Variants in SMARCA2 observed in about 807,000 individuals in gnomAD.
SMARCA2 encodes the protein SWI/SNF-related matrix-associated actin-dependent regulator of chromatin subfamily A member 2.
A neutral mutation model predicts 199.8 loss-of-function variants in SMARCA2; 61 were observed. The observed-to-expected ratio is 0.31, with a 90% CI of 0.25 to 0.38. The LOEUF is 0.38. SMARCA2 is among the 10% of genes least tolerant of loss of function. The pLI, the probability that SMARCA2 is intolerant of heterozygous loss-of-function variation, is 1.00. For missense variants in SMARCA2, 1,344 were observed against 2,012.2 expected, an observed-to-expected ratio of 0.67 and a Z score of 6.35; for synonymous variants, 935 against 732.0, an observed-to-expected ratio of 1.28 and a Z score of -4.48.
rs771190439 is a variant in SMARCA2, at chr9:2,186,195, G to A, written c.4561G>A (p.Glu1521Lys). Reference sequence around the variant, plus strand: ...TGAGGATGAAAGCAATGAAGAGGAGGAAGAGGAAGATGAAGAAGAGTCAGA... The same window carrying A: ...TGAGGATGAAAGCAATGAAGAGGAGAAAGAGGAAGATGAAGAAGAGTCAGA... Reference protein sequence around the residue: ...ESEDESNEEEEEEDEEESESE... With the variant: ...ESEDESNEEEKEEDEEESESE... Residue 1521 changes from glutamate to lysine, a missense_variant, in exon 32 of 34, where the codon GAA becomes AAA. Physicochemically the swap from Glu to Lys is moderately conservative, Grantham distance 56. Around this residue, in one of 18 missense-constraint regions of SMARCA2, gnomAD observed 155 missense variants for 121.1 expected, o/e 1.28. Coordinates refer to ENST00000349721, the MANE Select transcript of SMARCA2 (RefSeq NM_003070.5). The A allele has an allele frequency of 6.2e-7, 1 of 1,614,028 alleles. No individual in the cohort carries two copies. The highest frequency in any genetic ancestry group is 8.5e-7 in the Non-Finnish European group (1 of 1,179,908).
At chr9:2,053,175 T>C (rs1382150004) in intron 5 of SMARCA2, among the ~76,000 whole-genome samples, 1 of 152,176 alleles carries the variant, frequency 6.6e-6, no homozygotes, top group African/African-American at 2.4e-5. Context: ...CATCTTTATG[T>C]CCATGAATAC....
intron 27 of SMARCA2, chr9:2,157,668 T>C (rs945994979): frequency 5.3e-6 from 2 of 379,254 alleles, no homozygotes; most frequent in African/African-American, 4.1e-5. Context: ...CTGTGCCACA[T>C]GGCTTGGTGG....
chr9:2,061,950 G>A lies in SMARCA2; in HGVS notation c.1692+964G>A, dbSNP rs544154474. On this transcript the variant is annotated intron_variant, in intron 9 of 33. Transcript: ENST00000349721. ...AGCTTACCTCATTGTGAAGATGAAC[G>A]AGAGATGACTCAGGGCTTGTGTTTA... 9.9e-5 allele frequency among the ~76,000 whole-genome samples: 15 copies of A among 152,280 alleles called. No homozygotes were observed. In the South Asian group the frequency reaches 2.9e-3, roughly 29 times the overall value.
At chr9:2,183,554 A>C (rs1468722528) in intron 31 of SMARCA2, among the ~76,000 whole-genome samples, 12 of 152,356 alleles carry the variant, frequency 7.9e-5, no homozygotes, top group African/African-American at 2.9e-4. Flanking sequence ...CAACCAATGC[A>C]GTGTCAAGCC....
At chr9:2,097,358 T>C (rs1822315485) in intron 20 of SMARCA2, 27 bp from the exon 21 acceptor site, 2 of 1,407,946 alleles carry the variant, frequency 1.4e-6, no homozygotes, top group African/African-American at 1.4e-5. Context: ...TAATTAATTC[T>C]ATTTTTCCCT....
chr9:2,169,234 G>A lies in SMARCA2; in HGVS notation c.4200-1185G>A, dbSNP rs1249878465. Among the ~76,000 whole-genome samples the A allele has an allele frequency of 1.3e-5, 2 of 152,130 alleles. No homozygotes were observed. Among genetic ancestry groups the A allele is most frequent in the Non-Finnish European group, 2.9e-5 (2 of 68,022 alleles). On this transcript the variant is annotated intron_variant, in intron 28 of 33. Transcript: ENST00000349721. This position sits in a 1 kb window ranked among gnomAD's most constrained non-coding sequence, Gnocchi z 6.5. ...GGCCTGGCCTGGCAAGCTGCAGGGT[G>A]GACTGCGTGCCCTGCCTCCAGTCTC...
intron 21 of SMARCA2, among the ~76,000 whole-genome samples, chr9:2,098,602 G>C (rs1479544508): frequency 6.6e-6 from 1 of 152,036 alleles, no homozygotes; most frequent in Non-Finnish European, 1.5e-5. Context: ...ATAGACACAG[G>C]GGAAAGTACC....
intron 8 of SMARCA2, among the ~76,000 whole-genome samples, chr9:2,060,246 T>G (rs1300922121): frequency 6.6e-6 from 1 of 152,094 alleles, no homozygotes; most frequent in African/African-American, 2.4e-5. Context: ...AAAAGCCCAT[T>G]TGATTCCTTG....
At chr9:2,182,447 C>T (rs1336053507) in intron 31 of SMARCA2, among the ~76,000 whole-genome samples, 1 of 149,882 alleles carries the variant, frequency 6.7e-6, no homozygotes, top group South Asian at 2.1e-4. Context: ...TGTGCTAGCG[C>T]CTACTCACAC....
chr9:2,102,261 A>G (rs918874547), intron 22 of SMARCA2, among the ~76,000 whole-genome samples: 6 of 152,096 alleles, frequency 3.9e-5, no homozygotes, highest in African/African-American at 1.4e-4. Flanking sequence ...ACCAGGAACT[A>G]TAGCCTATCC....
rs113280249 is a variant in SMARCA2 at position 2,052,774 on chromosome 9, A to G, written c.1047-1823A>G. The stretch of plus-strand genomic sequence containing the variant: ...TATGAAGTATTAGATCTTCTACAGC[A>G]TTTAGGTCCAGGAGGTTTCACTTTT... On this transcript the variant is annotated intron_variant, in intron 5 of 33. Coordinates refer to ENST00000349721, the MANE Select transcript of SMARCA2 (RefSeq NM_003070.5). 4.8e-4 allele frequency among the ~76,000 whole-genome samples: 73 copies of G among 152,152 alleles called. 1 individual carries two copies. The highest frequency in any genetic ancestry group is 1.7e-3 in the African/African-American group (71 of 41,430).
At chr9:2,061,087 A>G (rs1208013973) in intron 9 of SMARCA2, 101 bp downstream of exon 9, 12 of 1,144,302 alleles carry the variant, frequency 1.0e-5, no homozygotes, top group Non-Finnish European at 1.3e-5. Context: ...ACACTGGTGG[A>G]AGGTTTAGAT....
chr9:2,087,185 T>G (rs2130487434), intron 18 of SMARCA2, 114 bp downstream of exon 18: 1 of 1,310,020 alleles, frequency 7.6e-7, no homozygotes, highest in East Asian at 2.3e-5. Flanking sequence ...CCACTGTTGT[T>G]TATTTTATGA....
chr9:2,047,482 C>A lies in SMARCA2; in HGVS notation c.1044C>A (p.Tyr348Ter). ...DPVEILQEREYRLQARIAHRI... is the reference protein window; with the variant it reads ...DPVEILQERE ...TGGAAATTCTGCAAGAGCGGGAATA[C>A]AGGTAACGCACCCCGCCAGCAAGGG... The change falls in exon 5 of 34, where the codon TAC (tyrosine) becomes TAA (stop). Residue 348 changes from tyrosine to a stop codon, truncating the protein, a stop_gained and splice_region_variant. Coordinates refer to ENST00000349721, the MANE Select transcript of SMARCA2 (RefSeq NM_003070.5). LOFTEE classifies it high-confidence loss of function. 1 of 1,500,234 alleles carries A rather than the reference C, an allele frequency of 6.7e-7. No individual in the cohort carries two copies. Among genetic ancestry groups the A allele is most frequent in the Non-Finnish European group, 8.9e-7 (1 of 1,122,290 alleles). 92.9% of individuals were successfully genotyped at this position (1,500,234 alleles called of 1,614,324 possible).
chr9:2,061,114 T>G, intron 9 of SMARCA2, 128 bp downstream of exon 9: 1 of 893,904 alleles, frequency 1.1e-6, no homozygotes. Flanking sequence ...ATTGTGAAAA[T>G]TGCATAAATG....
At chr9:2,159,774 AAC>A in intron 27 of SMARCA2, 1 of 1,579,830 alleles carries the variant, frequency 6.3e-7, no homozygotes, top group South Asian at 1.2e-5. Flanking sequence ...TGTATATGAA[AAC>A]ACAGCCTTTC....
intron 10 of SMARCA2, among the ~76,000 whole-genome samples, chr9:2,072,456 G>A (rs1158599069): frequency 6.6e-6 from 1 of 152,210 alleles, no homozygotes; most frequent in Admixed American, 6.5e-5. Context: ...CAGAGGAGCA[G>A]AGCTTTTTTC....
rs1244978455 is a variant in SMARCA2, at chr9:2,017,683, CCGCGGGCTGTGG to C, written c.-37+2287_-37+2298del. 6.6e-6 allele frequency: 1 copy of C among 152,010 alleles called. No individual in the cohort carries two copies. The highest frequency in any genetic ancestry group is 1.5e-5 in the Non-Finnish European group (1 of 67,966). 9.4% of individuals were successfully genotyped at this position (152,010 alleles called of 1,614,324 possible). A position where few individuals can be genotyped will look rare whatever the true frequency, so the allele number is the denominator to read the frequency against. ...GGAAGCGGCAGCGGCGGGGGCCGGG[CCGCGGGCTGTGG>C]CGCGGGCCTAGAGCCGCGGCTCGGA... is the stretch of plus-strand genomic sequence containing the variant. On this transcript the variant is annotated intron_variant, in intron 1 of 33. Transcript: ENST00000349721. The surrounding 1 kb of genome is among the most constrained non-coding windows in gnomAD (Gnocchi z 8.8).
chr9:2,149,260 G>C (rs1234905384), intron 27 of SMARCA2, among the ~76,000 whole-genome samples: 1 of 151,320 alleles, frequency 6.6e-6, no homozygotes, highest in Non-Finnish European at 1.5e-5. Flanking sequence ...GCTCACACCT[G>C]TAATCCAAGC....
Sources: gnomAD v4.1 joint callset for allele counts (sites outside exome capture counted in the v4.1 genomes callset) on GRCh38, gnomAD v4.1.1 for gene constraint, gnomAD v4.1.1 regional missense constraint, Gnocchi (gnomAD v3.1) non-coding constraint, MANE v1.5 for transcripts, NCBI Gene and HGNC (gene_info 2026-07-23, HGNC 2026-07-21) for gene names.